The following TMPRSS4 variants were observed in gnomAD, a reference collection of about 807,000 sequenced individuals.
TMPRSS4 encodes transmembrane protease serine 4.
TMPRSS4 carries 45 observed loss-of-function variants against 56.4 expected under a neutral mutation model. The ratio of observed to expected loss-of-function variants is 0.80; its 90% CI spans 0.63 to 1.02. The LOEUF (loss-of-function observed/expected upper bound fraction) is 1.02, where lower values mean the gene tolerates loss of function less well. TMPRSS4 is among the 50% of genes least tolerant of loss of function. The pLI, the probability that TMPRSS4 is intolerant of heterozygous loss-of-function variation, is 0.00. For missense variants in TMPRSS4, 546 were observed against 556.7 expected (o/e 0.98, Z 0.19); for synonymous variants, 205 against 211.0 (o/e 0.97, Z 0.25).
downstream of TMPRSS4, among the ~76,000 whole-genome samples, chr11:118,123,246 TA>T (rs1405973589): frequency 2.0e-5 from 3 of 152,084 alleles, no homozygotes; most frequent in Admixed American, 2.0e-4. Context: ...CCTTACCCAC[TA>T]ACAGTGGAAT....
chr11:118,116,542 G>A (rs959085013), intron 11 of TMPRSS4, among the ~76,000 whole-genome samples: 3 of 152,228 alleles, frequency 2.0e-5, no homozygotes, highest in South Asian at 2.1e-4. Flanking sequence ...TTTGTTATTT[G>A]CTTGTTCACT....
At chr11:118,095,564 A>G (rs534431170) in intron 2 of TMPRSS4, among the ~76,000 whole-genome samples, 23 of 152,170 alleles carry the variant, frequency 1.5e-4, no homozygotes, top group Non-Finnish European at 2.9e-4. Flanking sequence ...TTGGAATTCA[A>G]TATAAGAGTA....
At chr11:118,082,532 G>A (rs1945222226) in intron 1 of TMPRSS4, among the ~76,000 whole-genome samples, 2 of 151,286 alleles carry the variant, frequency 1.3e-5, no homozygotes, top group African/African-American at 4.9e-5. Flanking sequence ...CTGCACTCCA[G>A]CCTGGGCAAT....
At chr11:118,094,349 G>A (rs946756729) in intron 1 of TMPRSS4, among the ~76,000 whole-genome samples, 2 of 152,178 alleles carry the variant, frequency 1.3e-5, no homozygotes, top group Admixed American at 1.3e-4. Context: ...TTTATGTAGA[G>A]AAATTTTATT....
At position 118,118,179 on chromosome 11, in the gene TMPRSS4, C is replaced by G; in HGVS notation, c.*266C>G. 1 of 1,389,684 alleles carries G rather than the reference C, an allele frequency of 7.2e-7. No individual in the cohort carries two copies. 86.1% of individuals were successfully genotyped at this position (1,389,684 alleles called of 1,614,324 possible). On this transcript the variant is annotated 3_prime_UTR_variant, in exon 13 of 13. Coordinates refer to ENST00000437212, the MANE Select transcript of TMPRSS4 (RefSeq NM_019894.4). Reference sequence around the variant, plus strand: ...AGAGACACAGCCCACTGAACAAGGTCTCAGGGGTATTGCTAAGCCAAGAAG... The same window carrying G: ...AGAGACACAGCCCACTGAACAAGGTGTCAGGGGTATTGCTAAGCCAAGAAG...
rs1459111011 is a variant in TMPRSS4 at position 118,096,851 on chromosome 11, GAAAGAAA to G, written c.43+1997_43+2003del. On this transcript the variant is annotated intron_variant, in intron 2 of 12. Coordinates refer to ENST00000437212, the MANE Select transcript of TMPRSS4 (RefSeq NM_019894.4). ...AGAAAGAAAGAAGGAAAGAAGGAAA[GAAAGAAA>G]GAAAGAAAGAAAGAAAGAAAGAAAG... Among the ~76,000 whole-genome samples the G allele has an allele frequency of 3.1e-4, 5 of 15,878 alleles. 1 individual carries two copies. The highest frequency in any genetic ancestry group is 1.6e-3 in the African/African-American group (5 of 3,144). 10.4% of individuals were successfully genotyped at this position (15,878 alleles called of 152,430 possible). A position where few individuals can be genotyped will look rare whatever the true frequency, so the allele number is the denominator to read the frequency against.
At chr11:118,086,020 A>G (rs964288795) in intron 1 of TMPRSS4, among the ~76,000 whole-genome samples, 1 of 152,202 alleles carries the variant, frequency 6.6e-6, no homozygotes, top group Non-Finnish European at 1.5e-5. Context: ...CATCACCTGG[A>G]AGCAGGGCCC....
chr11:118,089,322 A>G (rs978242720), intron 1 of TMPRSS4, among the ~76,000 whole-genome samples: 127 of 152,354 alleles, frequency 8.3e-4, no homozygotes, highest in African/African-American at 3.0e-3. Flanking sequence ...CTCAGGCAGC[A>G]CAACAGTAAG....
At chr11:118,117,104 C>G (rs2135468024) in intron 11 of TMPRSS4, among the ~76,000 whole-genome samples, 1 of 152,330 alleles carries the variant, frequency 6.6e-6, no homozygotes, top group African/African-American at 2.4e-5. Flanking sequence ...ATGCTTGCAA[C>G]TTACTTGTCC....
rs775934001 is a variant in TMPRSS4 at position 118,098,950 on chromosome 11, C to T, written c.44-35C>T. On this transcript the variant is annotated intron_variant, in intron 2 of 12. Transcript: ENST00000437212. ...CTCAGGGATCACCAAGTGCTGACTG[C>T]ATGCTCTTCCCCTCTGCCTCCCATT... 3 of 1,549,174 alleles carry T rather than the reference C, an allele frequency of 1.9e-6. No individual in the cohort carries two copies. The African/African-American group carries it at 4.1e-5, about 21-fold the overall frequency.
intron 7 of TMPRSS4, among the ~76,000 whole-genome samples, chr11:118,109,604 A>G (rs1429122019): frequency 1.3e-5 from 2 of 152,196 alleles, no homozygotes; most frequent in East Asian, 1.9e-4. Flanking sequence ...CTGCCCATCA[A>G]GGATCTTTAG....
chr11:118,078,852 C>A (rs1488266295), intron 1 of TMPRSS4, among the ~76,000 whole-genome samples: 2 of 152,166 alleles, frequency 1.3e-5, no homozygotes. Flanking sequence ...AACGATATGA[C>A]CCACAACAGC....
chr11:118,124,900 C>A (rs1947859034), downstream of TMPRSS4, among the ~76,000 whole-genome samples: 1 of 152,238 alleles, frequency 6.6e-6, no homozygotes, highest in African/African-American at 2.4e-5. Context: ...TCCCCAGCAT[C>A]CCCCATCTTC....
At chr11:118,113,457 C>T (rs774495617) in intron 9 of TMPRSS4, 22 bp downstream of exon 9, 9 of 1,610,762 alleles carry the variant, frequency 5.6e-6, no homozygotes, top group Non-Finnish European at 5.9e-6. Context: ...GGCCCAAGGC[C>T]ACTCAAGCCT....
At chr11:118,117,846 ACTTTGTC>A in intron 12 of TMPRSS4, 49 bp from the exon 13 acceptor site, 1 of 1,614,044 alleles carries the variant, frequency 6.2e-7, no homozygotes, top group Non-Finnish European at 8.5e-7. Flanking sequence ...ACATGTCACC[ACTTTGTC>A]CAGTTTCAGA....
intron 1 of TMPRSS4, among the ~76,000 whole-genome samples, chr11:118,090,743 A>C (rs1945883264): frequency 6.6e-6 from 1 of 151,832 alleles, no homozygotes; most frequent in Non-Finnish European, 1.5e-5. Flanking sequence ...ACAACATTGC[A>C]CTTCAGCCTG....
intron 1 of TMPRSS4, among the ~76,000 whole-genome samples, chr11:118,082,134 G>C (rs375289706): frequency 6.6e-6 from 1 of 152,160 alleles, no homozygotes; most frequent in Non-Finnish European, 1.5e-5. Flanking sequence ...TAGCTACAGC[G>C]GCAGTATCAC....
intron 6 of TMPRSS4, 200 bp from the exon 7 acceptor site, chr11:118,108,656 G>A: frequency 1.6e-6 from 1 of 607,176 alleles, no homozygotes; most frequent in African/African-American, 1.9e-5. Context: ...CAGTGGGGGT[G>A]TTGAATCCAA....
chr11:118,111,014 T>C (rs2135439759), intron 7 of TMPRSS4, among the ~76,000 whole-genome samples: 1 of 152,350 alleles, frequency 6.6e-6, no homozygotes, highest in East Asian at 1.9e-4. Flanking sequence ...CCGAAGGGCT[T>C]TGCAGGAGCG....
Sources: allele counts gnomAD v4.1 joint callset (sites outside exome capture counted in the v4.1 genomes callset), GRCh38; gene constraint gnomAD v4.1.1; transcripts MANE v1.5; gene names NCBI Gene and HGNC (gene_info 2026-07-23, HGNC 2026-07-21).